The following SRGAP3 variants were observed in gnomAD, a reference collection of about 807,000 sequenced individuals.
SRGAP3 encodes the protein SLIT-ROBO Rho GTPase-activating protein 3.
A neutral mutation model predicts 121.1 loss-of-function variants in SRGAP3; 39 were observed. The observed-to-expected ratio is 0.32, with a 90% confidence interval of 0.25 to 0.42. The LOEUF is 0.42. Ranked by LOEUF, SRGAP3 falls within the 10% of genes least tolerant of loss-of-function variation. The pLI is 1.00. For synonymous variants in SRGAP3, 601 were observed against 570.0 expected, an observed-to-expected ratio of 1.05 and a Z score of -0.77; for missense variants, 1,213 against 1,470.6, an observed-to-expected ratio of 0.82 and a Z score of 2.86.
intron 1 of SRGAP3, among the ~76,000 whole-genome samples, chr3:9,337,059 C>A (rs1191205428): frequency 6.6e-6 from 1 of 152,122 alleles, no homozygotes; most frequent in African/African-American, 2.4e-5. Context: ...GGTAAACTGG[C>A]AAGCTGGAGA....
chr3:9,316,659 AC>A (rs1955351877), intron 3 of SRGAP3, among the ~76,000 whole-genome samples: 1 of 152,084 alleles, frequency 6.6e-6, no homozygotes, highest in African/African-American at 2.4e-5. Context: ...CATCTCAAAA[AC>A]AAAAAAAAAT....
upstream of SRGAP3, among the ~76,000 whole-genome samples, chr3:9,252,365 C>T (rs1476156119): frequency 2.0e-5 from 3 of 152,086 alleles, no homozygotes; most frequent in Admixed American, 6.5e-5. Context: ...ATTCTCCCAC[C>T]TCAGCCTCCC....
intron 2 of SRGAP3, among the ~76,000 whole-genome samples, chr3:9,113,228 A>G (rs1229335232): frequency 2.0e-5 from 3 of 152,116 alleles, no homozygotes; most frequent in African/African-American, 4.8e-5. Flanking sequence ...ACAGTCCTGG[A>G]GGCTGGAAGT....
At position 9,277,277 on chromosome 3, in the gene SRGAP3, T is replaced by G. The variant is rs11710347; in HGVS notation, n.442+48733A>C. ...TAAGAGTTCAGATAAAGCAAGTGAT[T>G]TGCCCACGGTTACTGCTATGTTCTA... is the stretch of plus-strand genomic sequence containing the variant. On this transcript the variant is annotated intron_variant and non_coding_transcript_variant, in intron 3 of 3. Coordinates refer to the SRGAP3 transcript ENST00000490889. Among the ~76,000 whole-genome samples, 588 of 152,198 alleles carry G rather than the reference T, an allele frequency of 3.9e-3. 1 individual carries two copies. Among genetic ancestry groups the G allele is most frequent in the Non-Finnish European group, 5.1e-3 (349 of 67,996 alleles).
chr3:9,269,353 G>A (rs2600161), intron 3 of SRGAP3, among the ~76,000 whole-genome samples: 30,306 of 151,984 alleles, frequency 0.2, 3,720 homozygotes, highest in Non-Finnish European at 0.28. Context: ...CAAGAGAAGG[G>A]GTCCTTGTTC....
At chr3:9,278,025 C>G (rs376241514) in intron 3 of SRGAP3, among the ~76,000 whole-genome samples, 3 of 152,290 alleles carry the variant, frequency 2.0e-5, no homozygotes, top group South Asian at 2.1e-4. Context: ...AAAGCAGACC[C>G]TCACCAGACA....
chr3:9,192,328 C>A (rs1411835394), intron 1 of SRGAP3, among the ~76,000 whole-genome samples: 1 of 152,210 alleles, frequency 6.6e-6, no homozygotes, highest in Non-Finnish European at 1.5e-5. Flanking sequence ...TGATAAAGGC[C>A]TGTTTTTGTT....
chr3:9,293,429 T>C (rs1009108321), intron 3 of SRGAP3: 1 of 152,348 alleles, frequency 6.6e-6, no homozygotes, highest in Admixed American at 6.5e-5. Flanking sequence ...CAGAAATATC[T>C]GTCTTCCTCG....
intron 1 of SRGAP3, 81 bp from the exon 2 acceptor site, chr3:9,124,998 C>G: frequency 6.5e-7 from 1 of 1,545,834 alleles, no homozygotes; most frequent in Non-Finnish European, 8.9e-7. Flanking sequence ...TGGCCTGGGC[C>G]CTGCAATTCA....
intron 3 of SRGAP3, among the ~76,000 whole-genome samples, chr3:9,095,052 C>A (rs1947913454): frequency 6.6e-6 from 1 of 151,998 alleles, no homozygotes; most frequent in Non-Finnish European, 1.5e-5. Context: ...GTGAGCCGCA[C>A]CTGTAATCCC....
At chr3:9,125,836 GCTCCCC>G (rs1949203152) in intron 1 of SRGAP3, among the ~76,000 whole-genome samples, 1 of 152,064 alleles carries the variant, frequency 6.6e-6, no homozygotes, top group Non-Finnish European at 1.5e-5. Flanking sequence ...ATACCCCACG[GCTCCCC>G]TCTGCCTGAG....
rs777812566 is a variant in SRGAP3 at position 9,032,743 on chromosome 3, AC to A, written c.1445del (p.Cys482PhefsTer9). Reference protein sequence around the residue: ...RAECGTTRPPCLPPKPQKMRR... With the variant: ...RAECGTTRPPXLPPKPQKMRR... ...TCATTTTCTGTGGTTTAGGGGGAAG[AC>A]AGGGGGGCCTAGGGGAAAACGGAAC... is the stretch of plus-strand genomic sequence containing the variant. On this transcript the variant is annotated frameshift_variant, in exon 12 of 22. Coordinates refer to ENST00000383836, the MANE Select transcript of SRGAP3 (RefSeq NM_014850.4). LOFTEE classifies it high-confidence loss of function. 1 of 1,611,212 alleles carries A rather than the reference AC, an allele frequency of 6.2e-7. No individual in the cohort carries two copies. Among genetic ancestry groups the A allele is most frequent in the Non-Finnish European group, 8.5e-7 (1 of 1,178,518 alleles).
In SRGAP3 at chr3:8,983,311, G is replaced by A. The variant is rs753567022; in HGVS notation, c.*2208C>T. 5.7e-5 allele frequency: 13 copies of A among 228,130 alleles called. No homozygotes were observed. Among genetic ancestry groups the A allele is most frequent in the Admixed American group, 4.6e-4 (8 of 17,578 alleles). 14.1% of individuals were successfully genotyped at this position (228,130 alleles called of 1,614,324 possible). On this transcript the variant is annotated 3_prime_UTR_variant, in exon 22 of 22. Transcript: ENST00000383836. Reference sequence around the variant, plus strand: ...TGGCCTTTCATATCCAGGAGCTAAAGAGAAGGGTTCATTCTAGGCCAAACA... The same window carrying A: ...TGGCCTTTCATATCCAGGAGCTAAAAAGAAGGGTTCATTCTAGGCCAAACA...
chr3:9,021,768 C>T (rs1049078541), intron 14 of SRGAP3, among the ~76,000 whole-genome samples: 1 of 152,184 alleles, frequency 6.6e-6, no homozygotes, highest in Non-Finnish European at 1.5e-5. Flanking sequence ...GGGCACCCTG[C>T]AGGAATTAGA....
chr3:9,228,655 T>G (rs1574907112), intron 1 of SRGAP3, among the ~76,000 whole-genome samples: 1 of 152,132 alleles, frequency 6.6e-6, no homozygotes, highest in Admixed American at 6.5e-5. Context: ...AGGAGACAGC[T>G]AACAGCCACA....
intron 14 of SRGAP3, among the ~76,000 whole-genome samples, chr3:9,024,442 C>G (rs1038575354): frequency 1.3e-5 from 2 of 152,172 alleles, no homozygotes; most frequent in African/African-American, 4.8e-5. Context: ...CATTTCAGTG[C>G]AGCAGTGAGA....
At chr3:9,074,878 C>T (rs2125246864) in intron 4 of SRGAP3, among the ~76,000 whole-genome samples, 1 of 152,276 alleles carries the variant, frequency 6.6e-6, no homozygotes, top group Admixed American at 6.5e-5. Context: ...GGACACTCCT[C>T]AGGCCCTCCC....
intron 1 of SRGAP3, among the ~76,000 whole-genome samples, chr3:9,352,244 C>T (rs1191996771): frequency 1.3e-5 from 2 of 151,868 alleles, no homozygotes; most frequent in Admixed American, 6.6e-5. Flanking sequence ...TAAAACTCTC[C>T]CCTTTTCCTC....
At chr3:9,286,948 G>T (rs1954786915) in intron 3 of SRGAP3, among the ~76,000 whole-genome samples, 1 of 148,576 alleles carries the variant, frequency 6.7e-6, no homozygotes, top group African/African-American at 2.5e-5. Flanking sequence ...TTATCTTCTA[G>T]AGGTAATACT....
Sources: allele counts gnomAD v4.1 joint callset (sites outside exome capture counted in the v4.1 genomes callset), GRCh38; gene constraint gnomAD v4.1.1; transcripts MANE v1.5; gene names NCBI Gene and HGNC (gene_info 2026-07-23, HGNC 2026-07-21).